The following CTNNA3 variants were observed in gnomAD, a reference collection of about 807,000 sequenced individuals.
The protein encoded by CTNNA3 is catenin alpha-3.
In CTNNA3, 76 loss-of-function variants were observed where a neutral mutation model predicts 95.7. That is an observed-to-expected ratio of 0.79 (90% CI 0.66 to 0.96). The LOEUF (loss-of-function observed/expected upper bound fraction) is 0.96. Ranked by LOEUF, CTNNA3 falls within the 40% of genes least tolerant of loss-of-function variation. The pLI, the probability that CTNNA3 is intolerant of heterozygous loss-of-function variation, is 0.00. For synonymous variants in CTNNA3, 431 were observed against 374.4 expected (o/e 1.15, Z -1.74); for missense variants, 1,191 against 1,089.8 (o/e 1.09, Z -1.31).
In CTNNA3 at chr10:66,927,395, T is replaced by C. The variant is rs1847140398; in HGVS notation, c.1048-151871A>G. On this transcript the variant is annotated intron_variant, in intron 7 of 17. Coordinates refer to ENST00000433211, the MANE Select transcript of CTNNA3 (RefSeq NM_013266.4). This position sits in a 1 kb window ranked among gnomAD's most constrained non-coding sequence, Gnocchi z 4.7. ...CAGTTTCGGGGCTTGCGGAAGCTGCTGAGTTTACATTTACGGTCTAACTCC... is the reference window on the plus strand; with the variant it reads ...CAGTTTCGGGGCTTGCGGAAGCTGCCGAGTTTACATTTACGGTCTAACTCC... The C allele has an allele frequency of 1.2e-6, 2 of 1,614,186 alleles. No homozygotes were observed. The highest frequency in any genetic ancestry group is 1.7e-6 in the Non-Finnish European group (2 of 1,180,012).
chr10:67,628,263 A>G lies in CTNNA3; in HGVS notation c.99+19152T>C, dbSNP rs535863133. Among the ~76,000 whole-genome samples the G allele has an allele frequency of 4.0e-3, 565 of 143,020 alleles. 5 individuals are homozygous for G. Among genetic ancestry groups the G allele is most frequent in the African/African-American group, 0.015 (518 of 34,368 alleles). 93.8% of individuals were successfully genotyped at this position (143,020 alleles called of 152,430 possible). On this transcript the variant is annotated intron_variant, in intron 2 of 17. Coordinates refer to ENST00000433211, the MANE Select transcript of CTNNA3 (RefSeq NM_013266.4). Reference sequence around the variant, plus strand: ...TTGAGTAAACTGCAAAAAAAAAAAAAGGGGAGAAACAGCTTTTGTGTGCCT... The same window carrying G: ...TTGAGTAAACTGCAAAAAAAAAAAAGGGGGAGAAACAGCTTTTGTGTGCCT...
At chr10:66,978,371 C>A (rs547439939) in intron 7 of CTNNA3, among the ~76,000 whole-genome samples, 3 of 150,678 alleles carry the variant, frequency 2.0e-5, no homozygotes, top group East Asian at 3.9e-4. Context: ...ACTAAAAATA[C>A]AAAAAACTAG....
At chr10:66,325,924 A>T (rs1404658518) in intron 12 of CTNNA3, among the ~76,000 whole-genome samples, 1 of 152,172 alleles carries the variant, frequency 6.6e-6, no homozygotes, top group Non-Finnish European at 1.5e-5. Flanking sequence ...AGAAGGATTT[A>T]ACAGCCAAAA....
intron 7 of CTNNA3, among the ~76,000 whole-genome samples, chr10:66,894,916 G>A (rs909688328): frequency 6.6e-6 from 1 of 151,402 alleles, no homozygotes; most frequent in Non-Finnish European, 1.5e-5. Context: ...TATAGTAGGC[G>A]TTTCATTTGC....
At chr10:67,430,118 T>C (rs1170955964) in intron 5 of CTNNA3, among the ~76,000 whole-genome samples, 1 of 152,014 alleles carries the variant, frequency 6.6e-6, no homozygotes, top group East Asian at 1.9e-4. Flanking sequence ...CAAGCAATGC[T>C]ACTTGGCTCC....
chr10:67,723,288 C>CTT (rs796834009), intron 1 of CTNNA3, among the ~76,000 whole-genome samples: 13 of 140,994 alleles, frequency 9.2e-5, no homozygotes, highest in Admixed American at 1.4e-4. Flanking sequence ...CACCTGGCCT[C>CTT]TTTTTTTTTT....
intron 5 of CTNNA3, among the ~76,000 whole-genome samples, chr10:67,450,440 C>T (rs996714924): frequency 6.6e-6 from 1 of 152,162 alleles, no homozygotes; most frequent in African/African-American, 2.4e-5. Context: ...CCATTCAATG[C>T]TATGCAGCTA....
chr10:66,292,640 A>G (rs1467451768), intron 12 of CTNNA3, among the ~76,000 whole-genome samples: 2 of 152,170 alleles, frequency 1.3e-5, no homozygotes, highest in East Asian at 3.9e-4. Context: ...TAAGAGGATT[A>G]ATAAGGATAA....
chr10:67,326,574 G>A (rs1164417072), intron 5 of CTNNA3, among the ~76,000 whole-genome samples: 2 of 152,106 alleles, frequency 1.3e-5, no homozygotes, highest in East Asian at 1.9e-4. Flanking sequence ...TGGCTTGTAT[G>A]GTTTCTGCTG....
At chr10:67,494,636 G>A (rs1838967162) in intron 5 of CTNNA3, among the ~76,000 whole-genome samples, 1 of 152,160 alleles carries the variant, frequency 6.6e-6, no homozygotes, top group Admixed American at 6.5e-5. Context: ...GTGTGTTCTA[G>A]AACAAGCTAC....
At chr10:66,874,369 G>A (rs545748684) in intron 7 of CTNNA3, among the ~76,000 whole-genome samples, 1 of 152,122 alleles carries the variant, frequency 6.6e-6, no homozygotes, top group South Asian at 2.1e-4. Context: ...TGTCATATTT[G>A]GAATATTATT....
intron 9 of CTNNA3, among the ~76,000 whole-genome samples, chr10:66,689,585 G>A (rs1469567772): frequency 1.3e-5 from 2 of 152,140 alleles, no homozygotes; most frequent in Admixed American, 6.5e-5. Context: ...ATTATGGTCA[G>A]TTTTCTAGTA....
At chr10:66,567,080 G>C (rs1472103750) in intron 10 of CTNNA3, among the ~76,000 whole-genome samples, 1 of 123,822 alleles carries the variant, frequency 8.1e-6, no homozygotes. Flanking sequence ...GGGAGGGAGG[G>C]AGGAGTGGGG....
In CTNNA3 at chr10:67,602,992, A is replaced by C. The variant is rs57103742; in HGVS notation, c.292+3865T>G. 1.4e-4 allele frequency among the ~76,000 whole-genome samples: 22 copies of C among 152,320 alleles called. No individual in the cohort carries two copies. The East Asian group carries it at 4.2e-3, about 29-fold the overall frequency. On this transcript the variant is annotated intron_variant, in intron 3 of 17. Transcript: ENST00000433211. ...GTTTAACAGGTGTCTGTGATGTGTC[A>C]GGCATTGGTAATCAAATAACACTTG... is the stretch of plus-strand genomic sequence containing the variant.
chr10:66,437,107 G>A (rs2093343366), intron 11 of CTNNA3, among the ~76,000 whole-genome samples: 2 of 152,066 alleles, frequency 1.3e-5, no homozygotes, highest in Admixed American at 6.6e-5. Context: ...GTTTCTCTCT[G>A]GCTGCTCTTA....
At chr10:66,209,091 G>A (rs954349506) in intron 13 of CTNNA3, among the ~76,000 whole-genome samples, 1 of 152,074 alleles carries the variant, frequency 6.6e-6, no homozygotes, top group African/African-American at 2.4e-5. Context: ...CTTCTAATGA[G>A]CTGGCTATAT....
chr10:67,743,116 A>G (rs1322853846), intron 1 of CTNNA3, among the ~76,000 whole-genome samples: 3 of 151,344 alleles, frequency 2.0e-5, no homozygotes, highest in Admixed American at 1.3e-4. Flanking sequence ...TATTCCAATC[A>G]ATAGAAAAAG....
chr10:67,394,762 TC>T (rs1228978591), intron 5 of CTNNA3, among the ~76,000 whole-genome samples: 2 of 152,024 alleles, frequency 1.3e-5, no homozygotes, highest in Admixed American at 1.3e-4. Flanking sequence ...AGAAAGCCTA[TC>T]CCCTGGGCCA....
At position 67,224,685 on chromosome 10, in the gene CTNNA3, T is replaced by G. The variant is rs75027020; in HGVS notation, c.580-4815A>C. On this transcript the variant is annotated intron_variant, in intron 5 of 17. Coordinates refer to ENST00000433211, the MANE Select transcript of CTNNA3 (RefSeq NM_013266.4). ...TTAAAGAGCCAAGCAAAAAAAAATA[T>G]AGAGAGGAAGCAGCAGAAAGTCCCT... Among the ~76,000 whole-genome samples, 1,983 of 151,390 alleles carry G rather than the reference T, an allele frequency of 0.013. 124 individuals carry two copies. In the East Asian group the frequency reaches 0.19, roughly 14 times the overall value.
Sources: allele counts gnomAD v4.1 joint callset (sites outside exome capture counted in the v4.1 genomes callset), GRCh38; gene constraint gnomAD v4.1.1; non-coding constraint Gnocchi (gnomAD v3.1); transcripts MANE v1.5; gene names NCBI Gene and HGNC (gene_info 2026-07-23, HGNC 2026-07-21).